DAPK1: variants seen among roughly 807,000 people sequenced by gnomAD.
DAPK1 encodes death-associated protein kinase 1.
A neutral mutation model predicts 144.9 loss-of-function variants in DAPK1; 56 were observed. The ratio of observed to expected loss-of-function variants is 0.39; its 90% CI spans 0.31 to 0.48. DAPK1 has a LOEUF of 0.48. Among genes scored for constraint, DAPK1 ranks in the 20% least tolerant of loss-of-function variants. DAPK1 has a pLI of 0.95. For synonymous variants in DAPK1, 690 were observed against 749.0 expected (o/e 0.92, Z 1.29); for missense variants, 1,454 against 1,875.4 (o/e 0.78, Z 4.15).
chr9:87,701,979 G>A (rs539405934), intron 24 of DAPK1: 2 of 425,222 alleles, frequency 4.7e-6, no homozygotes, highest in East Asian at 7.3e-5. Flanking sequence ...TGGTCTCTGA[G>A]GGCCCCTGTG....
intron 24 of DAPK1, chr9:87,701,741 C>G (rs1482401553): frequency 1.1e-5 from 3 of 277,488 alleles, no homozygotes; most frequent in Middle Eastern, 9.0e-4. Context: ...TTTTTTTTAA[C>G]TGCTTTGCTA....
chr9:87,652,730 C>T (rs1388662643), intron 17 of DAPK1, among the ~76,000 whole-genome samples: 2 of 146,970 alleles, frequency 1.4e-5, no homozygotes, highest in African/African-American at 5.1e-5. Flanking sequence ...TGTCCTCCCA[C>T]CTGATCCCGG....
chr9:87,582,789 G>A (rs1163359284), intron 2 of DAPK1, among the ~76,000 whole-genome samples: 1 of 151,852 alleles, frequency 6.6e-6, no homozygotes, highest in Non-Finnish European at 1.5e-5. Context: ...TCCTGACCTC[G>A]TGATCCCCCC....
At position 87,706,044 on chromosome 9, in the gene DAPK1, C is replaced by T. The variant is rs558964064; in HGVS notation, c.3061-88C>T. ...AGAGCATCTGCTCAGCCTCTGTTGC[C>T]GGCATCAGGCCCTTTAGTGCTCTAA... is the stretch of plus-strand genomic sequence containing the variant. On this transcript the variant is annotated intron_variant, in intron 25 of 25. Coordinates refer to ENST00000408954, the MANE Select transcript of DAPK1 (RefSeq NM_004938.4). The surrounding 1 kb of genome is among the most constrained non-coding windows in gnomAD (Gnocchi z 9.0). The T allele has an allele frequency of 2.9e-5, 27 of 945,942 alleles. No individual in the cohort carries two copies. Among genetic ancestry groups the T allele is most frequent in the Middle Eastern group, 2.3e-4 (1 of 4,424 alleles). 58.6% of individuals were successfully genotyped at this position (945,942 alleles called of 1,614,324 possible).
intron 2 of DAPK1, among the ~76,000 whole-genome samples, chr9:87,576,434 T>C (rs529685737): frequency 6.6e-6 from 1 of 152,326 alleles, no homozygotes; most frequent in Non-Finnish European, 1.5e-5. Context: ...TTGTCAAGTG[T>C]GTTTGTTCTT....
chr9:87,647,772 G>A (rs1013808087), intron 14 of DAPK1, among the ~76,000 whole-genome samples: 1 of 152,186 alleles, frequency 6.6e-6, no homozygotes, highest in Non-Finnish European at 1.5e-5. Flanking sequence ...TCTTTGAAGT[G>A]GCTGACAGTG....
intron 3 of DAPK1, among the ~76,000 whole-genome samples, chr9:87,629,704 C>A (rs1829604119): frequency 6.6e-6 from 1 of 152,064 alleles, no homozygotes; most frequent in Non-Finnish European, 1.5e-5. Flanking sequence ...CATTTAGGAT[C>A]AAATAAAATT....
At chr9:87,629,943 ACAGTC>A (rs1365000101) in intron 3 of DAPK1, among the ~76,000 whole-genome samples, 1 of 152,128 alleles carries the variant, frequency 6.6e-6, no homozygotes, top group African/African-American at 2.4e-5. Context: ...GTGCCTGTGA[ACAGTC>A]CACTTATCTT....
intron 3 of DAPK1, among the ~76,000 whole-genome samples, chr9:87,612,221 A>T (rs1484264795): frequency 2.6e-5 from 4 of 152,218 alleles, no homozygotes; most frequent in African/African-American, 9.6e-5. Context: ...AGTTTTGGAG[A>T]GGACAAACAT....
chr9:87,606,662 TCCTC>T (rs1828732559), intron 3 of DAPK1, among the ~76,000 whole-genome samples: 3 of 109,196 alleles, frequency 2.7e-5, no homozygotes, highest in Non-Finnish European at 5.7e-5. Context: ...CTTCCTTCCT[TCCTC>T]CCTCTCTCTC....
rs11141867 is a variant in DAPK1, at chr9:87,529,235, C to T, written c.62+30096C>T. Among the ~76,000 whole-genome samples the T allele has an allele frequency of 3.7e-4, 56 of 152,316 alleles. 1 individual carries two copies. The East Asian group carries it at 9.3e-3, about 25-fold the overall frequency. On this transcript the variant is annotated intron_variant, in intron 2 of 25. Transcript: ENST00000408954. ...TTACTTCCTTTCATTTCTGCTCTAG[C>T]GCTTTTCAATAAGCTTTCACTCCTG...
intron 18 of DAPK1, among the ~76,000 whole-genome samples, chr9:87,667,379 C>T (rs1309432576): frequency 2.0e-5 from 3 of 152,194 alleles, no homozygotes; most frequent in Non-Finnish European, 4.4e-5. Context: ...TTGCCTCCTC[C>T]CCCAGCAATT....
At chr9:87,702,461 T>G (rs1337797539) in intron 24 of DAPK1, among the ~76,000 whole-genome samples, 1 of 152,180 alleles carries the variant, frequency 6.6e-6, no homozygotes, top group Non-Finnish European at 1.5e-5. Flanking sequence ...TGATACTCAT[T>G]CTCTTTTCCT....
intron 2 of DAPK1, among the ~76,000 whole-genome samples, chr9:87,601,250 C>A (rs1315050966): frequency 3.3e-5 from 5 of 152,226 alleles, no homozygotes; most frequent in African/African-American, 1.2e-4. Context: ...TGCTGGCTGC[C>A]TGAGGAGACT....
intron 25 of DAPK1, among the ~76,000 whole-genome samples, chr9:87,703,638 A>G (rs984500403): frequency 1.3e-5 from 2 of 152,206 alleles, no homozygotes; most frequent in African/African-American, 4.8e-5. Flanking sequence ...GAGAAAAGGC[A>G]GTGAGGTGTC....
chr9:87,605,228 C>T, intron 3 of DAPK1, 53 bp downstream of exon 3: 2 of 1,451,346 alleles, frequency 1.4e-6, no homozygotes, highest in South Asian at 2.3e-5. Context: ...CGTCAGCTGG[C>T]ATCTTCGTTC....
Position 87,688,035 on chromosome 9 carries a change from A to T in DAPK1, c.2413+1296A>T, listed in dbSNP as rs1824927099. On this transcript the variant is annotated intron_variant, in intron 21 of 25. Coordinates refer to ENST00000408954, the MANE Select transcript of DAPK1 (RefSeq NM_004938.4). Reference sequence around the variant, plus strand: ...TTTAGATTCAGGGGTCCCTGTGCAGATTTGTTACCTGGTCATATTGCATGA... The same window carrying T: ...TTTAGATTCAGGGGTCCCTGTGCAGTTTTGTTACCTGGTCATATTGCATGA... 2.0e-5 allele frequency among the ~76,000 whole-genome samples: 3 copies of T among 152,078 alleles called. No homozygotes were observed. The South Asian group carries it at 6.2e-4, about 32-fold the overall frequency.
rs1824434707 is a variant in DAPK1, at chr9:87,677,435, G to A, written c.2002-3969G>A. Among the ~76,000 whole-genome samples the A allele has an allele frequency of 4.6e-5, 7 of 152,350 alleles. No homozygotes were observed. In the South Asian group the frequency reaches 1.4e-3, roughly 32 times the overall value. ...TGTGGGATTCCTGCAGAAGGAATGA[G>A]CTTGCCCCATTCCTGCAGACAGGAC... is the stretch of plus-strand genomic sequence containing the variant. On this transcript the variant is annotated intron_variant, in intron 19 of 25. Transcript: ENST00000408954.
At chr9:87,688,023 G>A (rs1824926472) in intron 21 of DAPK1, among the ~76,000 whole-genome samples, 1 of 152,078 alleles carries the variant, frequency 6.6e-6, no homozygotes, top group Non-Finnish European at 1.5e-5. Flanking sequence ...AGATTCAGGG[G>A]TCCCTGTGCA....
Sources: gnomAD v4.1 joint callset for allele counts (sites outside exome capture counted in the v4.1 genomes callset) on GRCh38, gnomAD v4.1.1 for gene constraint, Gnocchi (gnomAD v3.1) non-coding constraint, MANE v1.5 for transcripts, NCBI Gene and HGNC (gene_info 2026-07-23, HGNC 2026-07-21) for gene names.